The following KANK1 variants were observed in gnomAD, a reference collection of about 807,000 sequenced individuals.
KANK1 encodes the protein KN motif and ankyrin repeat domains 1.
In KANK1, 109 loss-of-function variants were observed where a neutral mutation model predicts 106.2. The ratio of observed to expected loss-of-function variants is 1.03; its 90% CI spans 0.88 to 1.20. The LOEUF is 1.20. KANK1 is among the 50% of genes most tolerant of loss of function. KANK1 has a pLI of 0.00. For missense variants in KANK1, 2,399 were observed against 1,710.7 expected (o/e 1.40, Z -7.10); for synonymous variants, 873 against 652.2 (o/e 1.34, Z -5.16).
intron 1 of KANK1, among the ~76,000 whole-genome samples, chr9:608,854 A>C (rs1829933239): frequency 6.6e-6 from 1 of 152,160 alleles, no homozygotes; most frequent in Non-Finnish European, 1.5e-5. Context: ...GTTGAGACTG[A>C]GTGGGATAAG....
At chr9:529,627 A>C (rs1280119274) in intron 1 of KANK1, among the ~76,000 whole-genome samples, 2 of 152,152 alleles carry the variant, frequency 1.3e-5, no homozygotes, top group African/African-American at 4.8e-5. Flanking sequence ...AGACTGCTCC[A>C]TGTGGAGGTA....
intron 3 of KANK1, chr9:484,560 T>A (rs2058259512): frequency 6.6e-6 from 1 of 152,216 alleles, no homozygotes; most frequent in South Asian, 2.1e-4. Context: ...TTCTAATACA[T>A]TACCTCATCC....
chr9:552,321 C>A (rs540179791), intron 1 of KANK1, among the ~76,000 whole-genome samples: 1 of 152,232 alleles, frequency 6.6e-6, no homozygotes, highest in Non-Finnish European at 1.5e-5. Context: ...TTAGGAGGTT[C>A]CAAGGACCTG....
At chr9:678,902 G>GT (rs1456729692) in intron 2 of KANK1, among the ~76,000 whole-genome samples, 1 of 152,144 alleles carries the variant, frequency 6.6e-6, no homozygotes, top group African/African-American at 2.4e-5. Flanking sequence ...GGGAAGGGGT[G>GT]TTTAAGATTG....
intron 1 of KANK1, among the ~76,000 whole-genome samples, chr9:576,466 C>A (rs1247113682): frequency 3.3e-5 from 5 of 152,224 alleles, no homozygotes; most frequent in Non-Finnish European, 5.9e-5. Flanking sequence ...AGTTCCCTTG[C>A]ATTTAGCCCT....
chr9:568,776 C>T (rs548218669), intron 1 of KANK1, among the ~76,000 whole-genome samples: 2 of 152,282 alleles, frequency 1.3e-5, no homozygotes, highest in East Asian at 1.9e-4. Flanking sequence ...GCCACCATGC[C>T]TGGCCAAGGT....
At chr9:639,221 C>G (rs1415370964) in intron 1 of KANK1, among the ~76,000 whole-genome samples, 1 of 152,098 alleles carries the variant, frequency 6.6e-6, no homozygotes, top group East Asian at 1.9e-4. Context: ...TATACACCTT[C>G]CCTTTAATTT....
chr9:712,453 G>T lies in KANK1; in HGVS notation c.1687G>T (p.Glu563Ter). 6.2e-7 allele frequency: 1 copy of T among 1,614,150 alleles called. No individual in the cohort carries two copies. Among genetic ancestry groups the T allele is most frequent in the Non-Finnish European group, 8.5e-7 (1 of 1,180,044 alleles). Residue 563 changes from glutamate to a stop codon, truncating the protein, a stop_gained, in exon 3 of 12, where the codon GAG (glutamate) becomes TAG (stop). Transcript: ENST00000382297. LOFTEE classifies it high-confidence loss of function. Reference protein sequence around the residue: ...PECKNKVVGPELPMNWWIVKE... With the variant: ...PECKNKVVGP ...ATGTAAGAATAAAGTCGTAGGGCCT[G>T]AGCTGCCTATGAATTGGTGGATTGT...
chr9:555,436 C>A (rs1172824938), intron 1 of KANK1, among the ~76,000 whole-genome samples: 1 of 152,164 alleles, frequency 6.6e-6, no homozygotes, highest in African/African-American at 2.4e-5. Flanking sequence ...ATGTATATGG[C>A]ATAGTCACTA....
At chr9:507,060 T>C (rs1242390527) in intron 1 of KANK1, among the ~76,000 whole-genome samples, 1 of 151,528 alleles carries the variant, frequency 6.6e-6, no homozygotes, top group Non-Finnish European at 1.5e-5. Context: ...CACCCTTCAA[T>C]AAGAAAAGTC....
chr9:572,150 A>ATTTTT (rs35843652), intron 1 of KANK1, among the ~76,000 whole-genome samples: 1 of 111,338 alleles, frequency 9.0e-6, no homozygotes, highest in Non-Finnish European at 1.8e-5. Flanking sequence ...ATAAACAGTG[A>ATTTTT]TTTTTTTTTT....
intron 2 of KANK1, among the ~76,000 whole-genome samples, chr9:708,362 A>T (rs1824897574): frequency 6.6e-6 from 1 of 152,226 alleles, no homozygotes; most frequent in African/African-American, 2.4e-5. Context: ...AGAGAAGGAC[A>T]GCTACGTTCT....
chr9:559,322 A>G (rs1323867306), intron 1 of KANK1, among the ~76,000 whole-genome samples: 2 of 152,310 alleles, frequency 1.3e-5, no homozygotes, highest in South Asian at 2.1e-4. Flanking sequence ...TGTACAGTCA[A>G]CACTGTCATT....
chr9:543,269 A>G (rs1247552001), intron 1 of KANK1, among the ~76,000 whole-genome samples: 1 of 152,056 alleles, frequency 6.6e-6, no homozygotes, highest in Non-Finnish European at 1.5e-5. Flanking sequence ...CTTGGAGAAC[A>G]TTGAGGCCGG....
At chr9:490,425 C>T (rs926368360) in intron 3 of KANK1, among the ~76,000 whole-genome samples, 3 of 152,166 alleles carry the variant, frequency 2.0e-5, no homozygotes, top group Admixed American at 6.5e-5. Flanking sequence ...GGAAGAATTG[C>T]TTAAGCCCAG....
intron 1 of KANK1, among the ~76,000 whole-genome samples, chr9:658,988 T>G (rs1050304150): frequency 2.0e-5 from 3 of 152,100 alleles, no homozygotes; most frequent in African/African-American, 7.3e-5. Context: ...AGGGTACCTC[T>G]GTTATTCTCA....
At chr9:550,338 A>T (rs770928442) in intron 1 of KANK1, among the ~76,000 whole-genome samples, 1 of 152,222 alleles carries the variant, frequency 6.6e-6, no homozygotes, top group South Asian at 2.1e-4. Flanking sequence ...TTCTTATTTA[A>T]TAATACAGTG....
chr9:655,370 TAAA>T lies in KANK1; in HGVS notation c.-83-21501_-83-21499del, dbSNP rs59311073. Among the ~76,000 whole-genome samples, 584 of 137,768 alleles carry T rather than the reference TAAA, an allele frequency of 4.2e-3. 3 individuals carry two copies. Among genetic ancestry groups the T allele is most frequent in the African/African-American group, 1.0e-2 (364 of 36,576 alleles). The allele number at this position is 137,768 out of a possible 152,430, so 90.4% of individuals were successfully genotyped here. ...TGGGAAACAAGAGCAAAATTCTGTC[TAAA>T]AAAAAAAAAAAAAAAAAATCCAAGA... On this transcript the variant is annotated intron_variant, in intron 1 of 11. Transcript: ENST00000382297.
At chr9:570,638 C>T (rs984021531) in intron 1 of KANK1, among the ~76,000 whole-genome samples, 3 of 152,192 alleles carry the variant, frequency 2.0e-5, no homozygotes, top group Admixed American at 6.5e-5. Context: ...GACTTATTCT[C>T]CTTTTTAACA....
Sources: gnomAD v4.1 joint callset for allele counts (sites outside exome capture counted in the v4.1 genomes callset) on GRCh38, gnomAD v4.1.1 for gene constraint, MANE v1.5 for transcripts, NCBI Gene and HGNC (gene_info 2026-07-23, HGNC 2026-07-21) for gene names.